TBC1D1: variants seen among roughly 807,000 people sequenced by gnomAD.
The protein encoded by TBC1D1 is TBC1 (tre-2/USP6, BUB2, cdc16) domain family, member 1.
Under a neutral mutation model 125.6 loss-of-function variants are expected in TBC1D1, and 89 were observed. The observed-to-expected ratio is 0.71, with a 90% CI of 0.60 to 0.85. The LOEUF (loss-of-function observed/expected upper bound fraction) is 0.85, where lower values mean the gene tolerates loss of function less well. Among genes scored for constraint, TBC1D1 ranks in the 40% least tolerant of loss-of-function variants. TBC1D1 has a pLI of 0.00. For missense variants in TBC1D1, 1,377 were observed against 1,469.2 expected (o/e 0.94, Z 1.03); for synonymous variants, 565 against 564.1 (o/e 1.00, Z -0.02).
At chr4:38,010,747 TCTCTCAGCCTTC>T (rs776364846) in intron 2 of TBC1D1, among the ~76,000 whole-genome samples, 10 of 152,178 alleles carry the variant, frequency 6.6e-5, no homozygotes, top group Non-Finnish European at 1.0e-4. Context: ...ATTCAGCCTT[TCTCTCAGCCTTC>T]CTCTCAGCCT....
intron 11 of TBC1D1, chr4:38,051,932 C>T: frequency 6.4e-7 from 1 of 1,550,512 alleles, no homozygotes; most frequent in South Asian, 1.2e-5. Flanking sequence ...AGTCTAAGCA[C>T]CGCCCAGGTC....
chr4:38,008,765 C>G (rs1290014026), intron 2 of TBC1D1, among the ~76,000 whole-genome samples: 1 of 152,218 alleles, frequency 6.6e-6, no homozygotes, highest in Non-Finnish European at 1.5e-5. Context: ...CAGCATGAAG[C>G]AAAAGAGCCA....
intron 15 of TBC1D1, among the ~76,000 whole-genome samples, chr4:38,106,862 A>C (rs936899031): frequency 6.6e-6 from 1 of 152,110 alleles, no homozygotes; most frequent in East Asian, 1.9e-4. Context: ...CCTCCCCTGC[A>C]GGGCTCAGGC....
In TBC1D1 at chr4:38,014,993, G is replaced by A. The variant is rs1475620837; in HGVS notation, c.882+20G>A. 8.6e-6 allele frequency: 13 copies of A among 1,513,504 alleles called. No individual in the cohort carries two copies. In the South Asian group the frequency reaches 9.2e-5, roughly 11 times the overall value. 93.8% of individuals were successfully genotyped at this position (1,513,504 alleles called of 1,614,324 possible). A position where few individuals can be genotyped will look rare whatever the true frequency, so the allele number is the denominator to read the frequency against. Reference sequence around the variant, plus strand: ...TTCACGGTAAAATATCACCCAGCTCGTGCACAGCCCCAGTCTGCCATACGC... The same window carrying A: ...TTCACGGTAAAATATCACCCAGCTCATGCACAGCCCCAGTCTGCCATACGC... On this transcript the variant is annotated intron_variant, in intron 3 of 19. Transcript: ENST00000261439. The surrounding 1 kb of genome is among the most constrained non-coding windows in gnomAD (Gnocchi z 5.1).
intron 15 of TBC1D1, among the ~76,000 whole-genome samples, chr4:38,107,381 A>G (rs1484177074): frequency 2.0e-5 from 3 of 152,370 alleles, no homozygotes; most frequent in Non-Finnish European, 2.9e-5. Context: ...AGTCTACACC[A>G]TGGCTACCTC....
Position 38,020,702 on chromosome 4 carries a change from G to A in TBC1D1, c.1077+7G>A. On this transcript the variant is annotated splice_region_variant and intron_variant, in intron 5 of 19. Transcript: ENST00000261439. The stretch of plus-strand genomic sequence containing the variant: ...GTGCACAAATGAGGCTCTGGTGAGA[G>A]AGGACAAGCAATTCTTACCTTGGAA... 6.2e-7 allele frequency: 1 copy of A among 1,609,918 alleles called. No homozygotes were observed. The highest frequency in any genetic ancestry group is 8.5e-7 in the Non-Finnish European group (1 of 1,177,044).
At chr4:38,079,974 A>G (rs1241030121) in intron 12 of TBC1D1, among the ~76,000 whole-genome samples, 7 of 152,198 alleles carry the variant, frequency 4.6e-5, no homozygotes, top group Admixed American at 3.3e-4. Flanking sequence ...GAATTTCCCA[A>G]TTGTTCAAAT....
In TBC1D1 at chr4:37,958,852, A is replaced by T. The variant is rs61153240; in HGVS notation, c.418-55657A>T. ...CCTACCATAGTGTTTGAAGAAAAAC[A>T]ATTCAATTGGAATGCCTGCAGATTG... is the stretch of plus-strand genomic sequence containing the variant. On this transcript the variant is annotated intron_variant, in intron 2 of 19. Coordinates refer to ENST00000261439, the MANE Select transcript of TBC1D1 (RefSeq NM_015173.4). Among the ~76,000 whole-genome samples, 1,250 of 152,312 alleles carry T rather than the reference A, an allele frequency of 8.2e-3. 14 individuals carry two copies. Among genetic ancestry groups the T allele is most frequent in the African/African-American group, 0.029 (1,187 of 41,556 alleles).
At chr4:38,058,212 G>A (rs182523263) in intron 12 of TBC1D1, among the ~76,000 whole-genome samples, 4 of 152,304 alleles carry the variant, frequency 2.6e-5, no homozygotes, top group South Asian at 2.1e-4. Context: ...GACAAATCAG[G>A]CATCTTTGTC....
At chr4:38,025,142 A>C (rs1744817577) in intron 6 of TBC1D1, among the ~76,000 whole-genome samples, 1 of 152,218 alleles carries the variant, frequency 6.6e-6, no homozygotes, top group African/African-American at 2.4e-5. Context: ...TCAGTAAAAC[A>C]CAGTCATTCA....
intron 10 of TBC1D1, among the ~76,000 whole-genome samples, chr4:38,046,132 G>A (rs1749408302): frequency 6.6e-6 from 1 of 152,184 alleles, no homozygotes; most frequent in South Asian, 2.1e-4. Flanking sequence ...TTGAGAGGCG[G>A]ACGCGGGCGG....
chr4:38,059,972 G>A (rs1347379569), intron 12 of TBC1D1, among the ~76,000 whole-genome samples: 1 of 152,128 alleles, frequency 6.6e-6, no homozygotes, highest in Non-Finnish European at 1.5e-5. Flanking sequence ...AAAAACATGT[G>A]GTGTTTGGTT....
chr4:38,045,793 C>T, intron 9 of TBC1D1, 24 bp from the exon 10 acceptor site: 2 of 1,604,188 alleles, frequency 1.2e-6, no homozygotes, highest in Non-Finnish European at 1.7e-6. Flanking sequence ...AGAGTCATAA[C>T]TCGACTGCCT....
chr4:38,054,448 A>C, intron 12 of TBC1D1, 110 bp downstream of exon 14: 1 of 1,384,394 alleles, frequency 7.2e-7, no homozygotes, highest in Non-Finnish European at 9.9e-7. Flanking sequence ...CAGTATTGGC[A>C]GGTCTGAGGC....
intron 4 of TBC1D1, among the ~76,000 whole-genome samples, chr4:38,019,051 T>C (rs1317824003): frequency 1.3e-5 from 2 of 152,174 alleles, no homozygotes; most frequent in African/African-American, 4.8e-5. Context: ...AACTTTTTTC[T>C]TGATAATCTT....
chr4:38,110,812 C>T (rs1762079334), intron 15 of TBC1D1: 1 of 985,396 alleles, frequency 1.0e-6, no homozygotes, highest in Non-Finnish European at 1.2e-6. Context: ...CAGTTTTACC[C>T]AGCTTCCCTC....
intron 12 of TBC1D1, among the ~76,000 whole-genome samples, chr4:38,081,961 C>T (rs16994207): frequency 0.023 from 3,492 of 152,254 alleles, 53 homozygotes; most frequent in African/African-American, 0.034. Context: ...CATGTCTTGC[C>T]GTGGAGGGAT....
chr4:38,029,355 A>T (rs543174708), intron 7 of TBC1D1, among the ~76,000 whole-genome samples: 141 of 152,106 alleles, frequency 9.3e-4, no homozygotes, highest in African/African-American at 3.3e-3. Flanking sequence ...AAATGAAAGG[A>T]TTGTCTCTCT....
intron 2 of TBC1D1, among the ~76,000 whole-genome samples, chr4:37,988,770 G>A (rs141574754): frequency 5.4e-4 from 82 of 152,242 alleles, no homozygotes; most frequent in Non-Finnish European, 9.0e-4. Flanking sequence ...CCAACTGACC[G>A]ATGGACCGCC....
Sources: gnomAD v4.1 joint callset for allele counts (sites outside exome capture counted in the v4.1 genomes callset) on GRCh38, gnomAD v4.1.1 for gene constraint, Gnocchi (gnomAD v3.1) non-coding constraint, MANE v1.5 for transcripts, NCBI Gene and HGNC (gene_info 2026-07-23, HGNC 2026-07-21) for gene names.